The following TBC1D4 variants were observed in gnomAD, a reference collection of about 807,000 sequenced individuals.
TBC1D4 encodes the protein TBC1 domain family member 4.
Under a neutral mutation model 142.5 loss-of-function variants are expected in TBC1D4, and 121 were observed. The observed-to-expected ratio is 0.85, with a 90% CI of 0.73 to 0.99. The LOEUF is 0.99. Among genes scored for constraint, TBC1D4 ranks in the 50% least tolerant of loss-of-function variants. TBC1D4 has a pLI of 0.00. For missense variants in TBC1D4, 1,475 were observed against 1,606.6 expected (o/e 0.92, Z 1.40); for synonymous variants, 630 against 628.2 (o/e 1.00, Z -0.04).
At chr13:75,316,560 C>A (rs1878334932) in intron 12 of TBC1D4, 1 of 152,182 alleles carries the variant, frequency 6.6e-6, no homozygotes, top group South Asian at 2.1e-4. Context: ...AGCAGCTCTG[C>A]TTTTAATAAG....
intron 10 of TBC1D4, 29 bp from the exon 11 acceptor site, chr13:75,324,430 C>G: frequency 6.2e-7 from 1 of 1,611,748 alleles, no homozygotes; most frequent in South Asian, 1.1e-5. Context: ...GCAAATATGT[C>G]TTAATTTATA....
intron 1 of TBC1D4, among the ~76,000 whole-genome samples, chr13:75,442,789 A>AAAG (rs1044927290): frequency 1.3e-5 from 2 of 152,040 alleles, no homozygotes; most frequent in African/African-American, 4.8e-5. Context: ...GAAAAAAAAA[A>AAAG]AAAGAAAGAA....
Position 75,481,550 on chromosome 13 carries a change from C to T in TBC1D4, c.218G>A (p.Gly73Asp), listed in dbSNP as rs752091613. Residue 73 changes from glycine to aspartate, a missense_variant, in exon 1 of 21, where the codon GGC (glycine) becomes GAC (aspartate). Coordinates refer to ENST00000377636, the MANE Select transcript of TBC1D4 (RefSeq NM_014832.5). ...RRRSQKPEAG[G>D]CGAPAAREVI... ...CTCTCGGGCCGCCGGCGCCCCGCAG[C>T]CGCCCGCCTCGGGCTTCTGGCTGCG... 22 of 1,591,476 alleles carry T rather than the reference C, an allele frequency of 1.4e-5. No individual in the cohort carries two copies. In the East Asian group the frequency reaches 4.9e-4, roughly 35 times the overall value.
chr13:75,326,491 A>G, intron 9 of TBC1D4, 68 bp from the exon 10 acceptor site: 1 of 1,523,374 alleles, frequency 6.6e-7, no homozygotes, highest in Non-Finnish European at 9.1e-7. Flanking sequence ...CAAAACACAG[A>G]GCTCAAAAGT....
At chr13:75,436,997 C>CT (rs1886827177) in intron 1 of TBC1D4, among the ~76,000 whole-genome samples, 1 of 152,142 alleles carries the variant, frequency 6.6e-6, no homozygotes, top group Non-Finnish European at 1.5e-5. Flanking sequence ...TAGCCAAACC[C>CT]AAACTGAGAA....
intron 1 of TBC1D4, among the ~76,000 whole-genome samples, chr13:75,431,869 T>C (rs1163495183): frequency 6.6e-6 from 1 of 152,172 alleles, no homozygotes; most frequent in African/African-American, 2.4e-5. Context: ...TTAAAACAGC[T>C]TGTTACCTAT....
intron 13 of TBC1D4, among the ~76,000 whole-genome samples, chr13:75,311,279 T>C (rs1469688432): frequency 6.6e-6 from 1 of 152,198 alleles, no homozygotes; most frequent in Non-Finnish European, 1.5e-5. Context: ...ACTCCAGAGC[T>C]TCGTCATTCC....
chr13:75,400,656 A>C (rs1885046808), intron 1 of TBC1D4, among the ~76,000 whole-genome samples: 1 of 148,206 alleles, frequency 6.7e-6, no homozygotes. Context: ...TAGTAGAGAC[A>C]GGGGTTTCAC....
intron 1 of TBC1D4, among the ~76,000 whole-genome samples, chr13:75,451,470 T>C (rs906598530): frequency 2.0e-5 from 3 of 149,610 alleles, no homozygotes; most frequent in Non-Finnish European, 3.0e-5. Flanking sequence ...ATATAACATA[T>C]ATATTAATAT....
intron 1 of TBC1D4, among the ~76,000 whole-genome samples, chr13:75,404,143 T>C (rs551839128): frequency 6.6e-6 from 1 of 151,808 alleles, no homozygotes; most frequent in Non-Finnish European, 1.5e-5. Context: ...TTCTGAGAAA[T>C]AGTGAACAAT....
intron 1 of TBC1D4, among the ~76,000 whole-genome samples, chr13:75,406,395 A>G (rs1885344086): frequency 6.6e-6 from 1 of 152,254 alleles, no homozygotes; most frequent in African/African-American, 2.4e-5. Flanking sequence ...TTCTAATTAA[A>G]GCATTGCAGG....
intron 16 of TBC1D4, among the ~76,000 whole-genome samples, chr13:75,301,255 ATAAT>A (rs1420989507): frequency 6.6e-6 from 1 of 152,156 alleles, no homozygotes; most frequent in African/African-American, 2.4e-5. Context: ...ATATTTTTAA[ATAAT>A]AAAGTATGTT....
rs558131719 is a variant in TBC1D4 at position 75,360,951 on chromosome 13, T to G, written c.1080+1075A>C. 3.9e-5 allele frequency among the ~76,000 whole-genome samples: 6 copies of G among 152,300 alleles called. No homozygotes were observed. In the East Asian group the frequency reaches 1.2e-3, roughly 29 times the overall value. Reference sequence around the variant, plus strand: ...TTACCAAAATACTCCGGAATCTCCTTCTTAGGAAATCTTTAAAATAGGTTT... The same window carrying G: ...TTACCAAAATACTCCGGAATCTCCTGCTTAGGAAATCTTTAAAATAGGTTT... On this transcript the variant is annotated intron_variant, in intron 2 of 20. Transcript: ENST00000377636.
At chr13:75,417,619 A>G (rs1330253295) in intron 1 of TBC1D4, among the ~76,000 whole-genome samples, 1 of 152,198 alleles carries the variant, frequency 6.6e-6, no homozygotes, top group Non-Finnish European at 1.5e-5. Context: ...GACCAGGCAG[A>G]GGAGGAGGGG....
chr13:75,381,921 A>G (rs1261165854), intron 1 of TBC1D4, among the ~76,000 whole-genome samples: 12 of 152,252 alleles, frequency 7.9e-5, no homozygotes, highest in Admixed American at 6.5e-4. Flanking sequence ...TGGGAAATTA[A>G]TAAATGAAAT....
intron 1 of TBC1D4, among the ~76,000 whole-genome samples, chr13:75,410,074 A>T (rs892995422): frequency 6.6e-6 from 1 of 152,224 alleles, no homozygotes; most frequent in Non-Finnish European, 1.5e-5. Context: ...ACAAAATAAC[A>T]GCACTCTCAG....
chr13:75,414,397 A>ACAT lies in TBC1D4; in HGVS notation c.499-51793_499-51791dup, dbSNP rs1437983826. Among the ~76,000 whole-genome samples the ACAT allele has an allele frequency of 2.6e-5, 4 of 152,354 alleles. No homozygotes were observed. The East Asian group carries it at 7.7e-4, about 29-fold the overall frequency. ...AAAGTCAGACTGAGAAGTCCAGACC[A>ACAT]CATCCCATAAGCATGAGGAGCTACC... On this transcript the variant is annotated intron_variant, in intron 1 of 20. Coordinates refer to ENST00000377636, the MANE Select transcript of TBC1D4 (RefSeq NM_014832.5).
chr13:75,336,195 G>A (rs988120426), intron 8 of TBC1D4, among the ~76,000 whole-genome samples: 36 of 149,850 alleles, frequency 2.4e-4, no homozygotes, highest in Admixed American at 1.0e-3. Context: ...TCAAGAGATC[G>A]AGACCATCCT....
intron 1 of TBC1D4, among the ~76,000 whole-genome samples, chr13:75,363,635 G>T (rs561016542): frequency 3.3e-5 from 5 of 150,968 alleles, no homozygotes; most frequent in African/African-American, 1.2e-4. Flanking sequence ...TCTCATGTCT[G>T]CCTGAAGTGT....
Sources: allele counts gnomAD v4.1 joint callset (sites outside exome capture counted in the v4.1 genomes callset), GRCh38; gene constraint gnomAD v4.1.1; transcripts MANE v1.5; gene names NCBI Gene and HGNC (gene_info 2026-07-23, HGNC 2026-07-21).